The following NR6A1 variants were observed in gnomAD, a reference collection of about 807,000 sequenced individuals.
NR6A1 encodes nuclear receptor subfamily 6 group A member 1, also known as retinoic acid receptor-related testis-associated receptor.
A neutral mutation model predicts 59.1 loss-of-function variants in NR6A1; 7 were observed. That is an observed-to-expected ratio of 0.12 (90% CI 0.07 to 0.22). The LOEUF (loss-of-function observed/expected upper bound fraction) is 0.22. NR6A1 is among the 10% of genes least tolerant of loss of function. NR6A1 has a pLI of 1.00. For missense variants in NR6A1, 468 were observed against 611.6 expected (o/e 0.77, Z 2.48); for synonymous variants, 243 against 236.1 (o/e 1.03, Z -0.27).
intron 1 of NR6A1, among the ~76,000 whole-genome samples, chr9:124,768,648 T>C (rs1841009944): frequency 6.6e-6 from 1 of 152,244 alleles, no homozygotes; most frequent in South Asian, 2.1e-4. Flanking sequence ...TCTAAATGGA[T>C]TGCTCGATAA....
At chr9:124,747,835 T>C (rs903002573) in intron 1 of NR6A1, among the ~76,000 whole-genome samples, 1 of 152,192 alleles carries the variant, frequency 6.6e-6, no homozygotes, top group African/African-American at 2.4e-5. Context: ...GCTCAAGGCA[T>C]CTAATCACCC....
At chr9:124,632,123 GA>G (rs1353543812) in intron 2 of NR6A1, among the ~76,000 whole-genome samples, 1 of 152,174 alleles carries the variant, frequency 6.6e-6, no homozygotes, top group African/African-American at 2.4e-5. Flanking sequence ...GCGCTGTAAT[GA>G]ATGTACATGT....
chr9:124,711,346 A>C (rs190852135), intron 2 of NR6A1, among the ~76,000 whole-genome samples: 13 of 152,018 alleles, frequency 8.6e-5, no homozygotes, highest in Non-Finnish European at 1.5e-4. Context: ...ACTTCATGGA[A>C]TCTCACACCC....
At chr9:124,601,595 AAAAAG>A (rs1442783429) in intron 2 of NR6A1, among the ~76,000 whole-genome samples, 6 of 147,362 alleles carry the variant, frequency 4.1e-5, no homozygotes, top group Non-Finnish European at 1.5e-5. Context: ...AAAAAAAAAA[AAAAAG>A]AAAGAAAAAA....
rs971050508 is a variant in NR6A1, at chr9:124,617,011, C to T, written c.143-62441G>A. Among the ~76,000 whole-genome samples, 4 of 152,088 alleles carry T rather than the reference C, an allele frequency of 2.6e-5. No homozygotes were observed. In the East Asian group the frequency reaches 5.8e-4, roughly 22 times the overall value. ...AAATACACATGTTCACAAAAATATA[C>T]GTATAAGGCACATTTATTACAATTT... On this transcript the variant is annotated intron_variant, in intron 2 of 9. Transcript: ENST00000487099.
chr9:124,638,924 T>C (rs978666570), intron 2 of NR6A1, among the ~76,000 whole-genome samples: 1 of 152,176 alleles, frequency 6.6e-6, no homozygotes, highest in Non-Finnish European at 1.5e-5. Flanking sequence ...AGAATGAATA[T>C]AGTATAATCC....
chr9:124,720,693 G>A (rs991853512), intron 2 of NR6A1, among the ~76,000 whole-genome samples: 44 of 152,068 alleles, frequency 2.9e-4, no homozygotes, highest in African/African-American at 1.1e-3. Flanking sequence ...GAGTGGTCCC[G>A]GTTGACCAAA....
intron 1 of NR6A1, among the ~76,000 whole-genome samples, chr9:124,770,624 G>T (rs1229990495): frequency 6.7e-6 from 1 of 148,176 alleles, no homozygotes; most frequent in Non-Finnish European, 1.5e-5. Context: ...CCAACCTGAG[G>T]AGCCCGGGGG....
At chr9:124,543,440 TA>T (rs1322553544) in intron 4 of NR6A1, among the ~76,000 whole-genome samples, 1 of 152,222 alleles carries the variant, frequency 6.6e-6, no homozygotes, top group Non-Finnish European at 1.5e-5. Flanking sequence ...TCTGCTGATA[TA>T]TTTTTTAGAT....
chr9:124,609,661 T>C (rs1835682662), intron 2 of NR6A1, among the ~76,000 whole-genome samples: 1 of 152,226 alleles, frequency 6.6e-6, no homozygotes, highest in African/African-American at 2.4e-5. Flanking sequence ...CAATGGTAGT[T>C]TAATGGGAAT....
intron 2 of NR6A1, among the ~76,000 whole-genome samples, chr9:124,560,750 A>C (rs1834064584): frequency 6.6e-6 from 1 of 151,846 alleles, no homozygotes; most frequent in South Asian, 2.1e-4. Flanking sequence ...TAGTAGAGAC[A>C]GGGTTTCACC....
chr9:124,621,637 G>C (rs775224736), intron 2 of NR6A1, among the ~76,000 whole-genome samples: 2 of 151,848 alleles, frequency 1.3e-5, no homozygotes, highest in Non-Finnish European at 2.9e-5. Context: ...CTGGGTGACA[G>C]AGTAAGACCT....
At chr9:124,651,344 C>A (rs1320855452) in intron 2 of NR6A1, among the ~76,000 whole-genome samples, 1 of 152,208 alleles carries the variant, frequency 6.6e-6, no homozygotes, top group African/African-American at 2.4e-5. Context: ...CAGGCATGAG[C>A]CACTGCGCCC....
chr9:124,719,520 G>T (rs988658314), intron 2 of NR6A1, among the ~76,000 whole-genome samples: 1 of 152,136 alleles, frequency 6.6e-6, no homozygotes, highest in Non-Finnish European at 1.5e-5. Flanking sequence ...ATTATTTAAT[G>T]TAGGAGCTGA....
intron 1 of NR6A1, among the ~76,000 whole-genome samples, chr9:124,748,920 T>C (rs1319875745): frequency 1.4e-5 from 2 of 147,992 alleles, no homozygotes; most frequent in East Asian, 2.0e-4. Flanking sequence ...ATGAAATAAA[T>C]ATAAGTACTC....
chr9:124,578,495 CT>C (rs2131451449), intron 2 of NR6A1, among the ~76,000 whole-genome samples: 1 of 152,252 alleles, frequency 6.6e-6, no homozygotes, highest in South Asian at 2.1e-4. Flanking sequence ...CCTTTACTTT[CT>C]TTTACATTTC....
chr9:124,652,681 A>C (rs1180273129), intron 2 of NR6A1, among the ~76,000 whole-genome samples: 1 of 152,192 alleles, frequency 6.6e-6, no homozygotes, highest in Non-Finnish European at 1.5e-5. Flanking sequence ...GCCAGACTCT[A>C]GATACAGCCC....
intron 1 of NR6A1, among the ~76,000 whole-genome samples, chr9:124,742,370 C>T (rs927212497): frequency 2.0e-5 from 3 of 151,708 alleles, no homozygotes; most frequent in Non-Finnish European, 4.4e-5. Context: ...TGAGACCAGC[C>T]TGGCAAGATG....
chr9:124,590,893 C>A (rs1835099452), intron 2 of NR6A1, among the ~76,000 whole-genome samples: 1 of 152,124 alleles, frequency 6.6e-6, no homozygotes, highest in South Asian at 2.1e-4. Context: ...TCTCTGTTAC[C>A]TTAAAGCCCA....
Sources: allele counts gnomAD v4.1 joint callset (sites outside exome capture counted in the v4.1 genomes callset), GRCh38; gene constraint gnomAD v4.1.1; transcripts MANE v1.5; gene names NCBI Gene and HGNC (gene_info 2026-07-23, HGNC 2026-07-21).